The following CPNE4 variants were observed in gnomAD, a reference collection of about 807,000 sequenced individuals.
CPNE4 encodes copine-4.
In CPNE4, 25 loss-of-function variants were observed where a neutral mutation model predicts 67.9. That is an observed-to-expected ratio of 0.37 (90% CI 0.27 to 0.51). The LOEUF (loss-of-function observed/expected upper bound fraction) is 0.51. CPNE4 is among the 20% of genes least tolerant of loss of function. The pLI is 0.93. For missense variants in CPNE4, 464 were observed against 690.8 expected, an observed-to-expected ratio of 0.67 and a Z score of 3.68; for synonymous variants, 242 against 244.9, an observed-to-expected ratio of 0.99 and a Z score of 0.11.
At chr3:131,860,215 A>G (rs116567294) in intron 2 of CPNE4, among the ~76,000 whole-genome samples, 110 of 152,332 alleles carry the variant, frequency 7.2e-4, no homozygotes, top group African/African-American at 2.5e-3. Context: ...TGTTTGGGAG[A>G]TAATGATGGT....
intron 12 of CPNE4, among the ~76,000 whole-genome samples, chr3:131,553,160 A>G (rs144227589): frequency 1.3e-5 from 2 of 152,140 alleles, no homozygotes; most frequent in African/African-American, 2.4e-5. Context: ...CTGATAAAAC[A>G]AGATAGATGT....
chr3:131,956,596 T>C (rs1299820826), intron 1 of CPNE4, among the ~76,000 whole-genome samples: 1 of 104,720 alleles, frequency 9.5e-6, no homozygotes, highest in Admixed American at 1.3e-4. Context: ...AATGTATATG[T>C]ATGAATTAAA....
At chr3:131,602,325 T>C (rs1390398871) in intron 7 of CPNE4, among the ~76,000 whole-genome samples, 1 of 152,158 alleles carries the variant, frequency 6.6e-6, no homozygotes, top group East Asian at 1.9e-4. Context: ...AGGGCCATCC[T>C]GTTTCCTTAA....
chr3:132,027,707 T>C (rs1229930325), intron 1 of CPNE4, among the ~76,000 whole-genome samples: 5 of 152,182 alleles, frequency 3.3e-5, no homozygotes, highest in Non-Finnish European at 7.3e-5. Context: ...CTTTTGCCAC[T>C]GAAATTTATA....
chr3:131,973,692 C>T (rs950720419), intron 1 of CPNE4, among the ~76,000 whole-genome samples: 1 of 152,156 alleles, frequency 6.6e-6, no homozygotes, highest in African/African-American at 2.4e-5. Flanking sequence ...TCTCCCACAT[C>T]AAAATGTATC....
chr3:131,925,157 T>TTTTC (rs1560610890), intron 1 of CPNE4, among the ~76,000 whole-genome samples: 1 of 147,164 alleles, frequency 6.8e-6, no homozygotes, highest in Non-Finnish European at 1.5e-5. Context: ...TGTTCTCATA[T>TTTTC]TCTCTCTCTC....
chr3:131,750,246 T>A (rs901838336), intron 2 of CPNE4, among the ~76,000 whole-genome samples: 22 of 152,320 alleles, frequency 1.4e-4, no homozygotes, highest in African/African-American at 5.3e-4. Flanking sequence ...AGCATATAAC[T>A]GGGTAGTGTT....
At chr3:131,562,289 C>T (rs1236620900) in intron 11 of CPNE4, among the ~76,000 whole-genome samples, 3 of 151,998 alleles carry the variant, frequency 2.0e-5, no homozygotes, top group Non-Finnish European at 4.4e-5. Flanking sequence ...GAAATGGAGA[C>T]GTTCAGCAGC....
intron 10 of CPNE4, among the ~76,000 whole-genome samples, chr3:131,567,297 T>C (rs1006719541): frequency 6.6e-6 from 1 of 152,018 alleles, no homozygotes; most frequent in Non-Finnish European, 1.5e-5. Context: ...AGGCACCTAG[T>C]GGCAGCATCT....
rs537352630 is a variant in CPNE4 at position 131,641,319 on chromosome 3, GA to G, written c.681+28355del. ...ACAAAGTACTCAAACAAATCAGCAA[GA>G]AAAAAAAAATCCCATCAAAAAGTAG... On this transcript the variant is annotated intron_variant, in intron 7 of 15. Coordinates refer to ENST00000429747, the MANE Select transcript of CPNE4 (RefSeq NM_130808.3). 1.9e-3 allele frequency among the ~76,000 whole-genome samples: 280 copies of G among 146,926 alleles called. 2 individuals carry two copies. The highest frequency in any genetic ancestry group is 5.4e-3 in the African/African-American group (217 of 40,110).
chr3:131,975,845 G>A (rs1280468888), intron 1 of CPNE4, among the ~76,000 whole-genome samples: 1 of 151,990 alleles, frequency 6.6e-6, no homozygotes, highest in Non-Finnish European at 1.5e-5. Context: ...CAGGTTATGA[G>A]GAAATGACAT....
intron 7 of CPNE4, among the ~76,000 whole-genome samples, chr3:131,644,990 G>GAACT (rs1382827429): frequency 6.6e-6 from 1 of 152,180 alleles, no homozygotes; most frequent in Non-Finnish European, 1.5e-5. Flanking sequence ...AGCTTCTGAT[G>GAACT]AACTGGAACT....
intron 2 of CPNE4, among the ~76,000 whole-genome samples, chr3:131,750,824 GGGTAGGTTTGCT>G (rs2082608667): frequency 6.6e-6 from 1 of 151,916 alleles, no homozygotes; most frequent in Non-Finnish European, 1.5e-5. Context: ...CATTCTTTTA[GGGTAGGTTTGCT>G]GGTGACAATT....
chr3:131,586,941 A>G (rs1938220008), intron 8 of CPNE4, among the ~76,000 whole-genome samples: 2 of 152,316 alleles, frequency 1.3e-5, no homozygotes, highest in South Asian at 2.1e-4. Flanking sequence ...CCTGGTACCT[A>G]TATGAAAATT....
At chr3:131,704,219 G>A (rs376556098) in intron 3 of CPNE4, among the ~76,000 whole-genome samples, 15 of 152,276 alleles carry the variant, frequency 9.9e-5, no homozygotes, top group African/African-American at 3.4e-4. Context: ...CTCTTGCAGA[G>A]CTGGTAGGGC....
At chr3:131,826,836 A>G (rs1172461298) in intron 2 of CPNE4, among the ~76,000 whole-genome samples, 1 of 152,034 alleles carries the variant, frequency 6.6e-6, no homozygotes, top group Non-Finnish European at 1.5e-5. Context: ...GTTTGAGACT[A>G]ACCTGGGCAA....
Position 132,001,611 on chromosome 3 carries a change from G to GAAAGAA in CPNE4, c.-2+32950_-2+32955dup, listed in dbSNP as rs1560766101. ...AGAAAGAAAGAAAGAAAGAAAGAAAGAAAGAAAATGAAGAGGAAGAGGAGA... is the reference window on the plus strand; with the variant it reads ...AGAAAGAAAGAAAGAAAGAAAGAAAGAAAGAAAAAGAAAATGAAGAGGAAGAGGAGA... On this transcript the variant is annotated intron_variant, in intron 1 of 15. Transcript: ENST00000429747. Among the ~76,000 whole-genome samples the GAAAGAA allele has an allele frequency of 2.2e-3, 327 of 146,042 alleles. 2 individuals are homozygous for GAAAGAA. Among genetic ancestry groups the GAAAGAA allele is most frequent in the African/African-American group, 7.7e-3 (296 of 38,256 alleles).
chr3:131,814,660 A>G (rs2084664099), intron 2 of CPNE4, among the ~76,000 whole-genome samples: 1 of 99,820 alleles, frequency 1.0e-5, no homozygotes, highest in African/African-American at 5.4e-5. Flanking sequence ...GCTGGAGTGC[A>G]GTGGCGGGAT....
At chr3:131,914,096 G>A (rs981887996) in intron 1 of CPNE4, among the ~76,000 whole-genome samples, 2 of 152,112 alleles carry the variant, frequency 1.3e-5, no homozygotes, top group African/African-American at 4.8e-5. Context: ...GGATCCTTGG[G>A]ATAATCCTTT....
Sources: gnomAD v4.1 joint callset for allele counts (sites outside exome capture counted in the v4.1 genomes callset) on GRCh38, gnomAD v4.1.1 for gene constraint, MANE v1.5 for transcripts, NCBI Gene and HGNC (gene_info 2026-07-23, HGNC 2026-07-21) for gene names.